The following MARCHF1 variants were observed in gnomAD, a reference collection of about 807,000 sequenced individuals.
MARCHF1 encodes the protein membrane associated ring-CH-type finger 1, also known as E3 ubiquitin-protein ligase MARCHF1.
In MARCHF1, 40 loss-of-function variants were observed where a neutral mutation model predicts 54.2. The ratio of observed to expected loss-of-function variants is 0.74; its 90% CI spans 0.57 to 0.96. The LOEUF (loss-of-function observed/expected upper bound fraction) is 0.96. Among genes scored for constraint, MARCHF1 ranks in the 40% least tolerant of loss-of-function variants. The probability of loss-of-function intolerance (pLI) is 0.00; values close to 1 mark genes in which losing one functional copy is unlikely to be tolerated. For missense variants in MARCHF1, 586 were observed against 656.5 expected, an observed-to-expected ratio of 0.89 and a Z score of 1.17; for synonymous variants, 236 against 236.3, an observed-to-expected ratio of 1.00 and a Z score of 0.01.
intron 5 of MARCHF1, among the ~76,000 whole-genome samples, chr4:163,666,776 A>C (rs975434280): frequency 1.4e-4 from 21 of 151,806 alleles, no homozygotes; most frequent in African/African-American, 4.8e-4. Flanking sequence ...TTCTAACCAC[A>C]GTTATATGTT....
chr4:163,926,600 A>G (rs991015757), intron 3 of MARCHF1, among the ~76,000 whole-genome samples: 2 of 151,620 alleles, frequency 1.3e-5, no homozygotes, highest in Non-Finnish European at 3.0e-5. Flanking sequence ...CCAACATACC[A>G]TATGAGAATT....
At chr4:163,923,825 T>C (rs1343021884) in intron 3 of MARCHF1, among the ~76,000 whole-genome samples, 1 of 151,516 alleles carries the variant, frequency 6.6e-6, no homozygotes, top group Non-Finnish European at 1.5e-5. Context: ...CATCTTACAA[T>C]GCAGACATAA....
chr4:164,156,808 ATGTATC>A (rs1260443648), intron 1 of MARCHF1, among the ~76,000 whole-genome samples: 2 of 152,148 alleles, frequency 1.3e-5, no homozygotes, highest in African/African-American at 4.8e-5. Flanking sequence ...GACTATGCCC[ATGTATC>A]TGTTTATAGG....
At chr4:163,849,495 C>A (rs1204124312) in intron 4 of MARCHF1, among the ~76,000 whole-genome samples, 3 of 152,132 alleles carry the variant, frequency 2.0e-5, no homozygotes, top group African/African-American at 7.2e-5. Context: ...GGCTACTTAC[C>A]AAAGAAGGAA....
intron 1 of MARCHF1, among the ~76,000 whole-genome samples, chr4:164,241,768 G>T (rs915756707): frequency 6.6e-6 from 1 of 151,806 alleles, no homozygotes; most frequent in Non-Finnish European, 1.5e-5. Flanking sequence ...CAGTGGGTGC[G>T]CGCACAGTGC....
chr4:163,815,020 T>C (rs1748495802), intron 4 of MARCHF1, among the ~76,000 whole-genome samples: 1 of 152,176 alleles, frequency 6.6e-6, no homozygotes, highest in African/African-American at 2.4e-5. Flanking sequence ...TCAGACATAT[T>C]CATGAGTAAA....
intron 3 of MARCHF1, among the ~76,000 whole-genome samples, chr4:163,973,763 C>A (rs1752597427): frequency 6.6e-6 from 1 of 152,180 alleles, no homozygotes; most frequent in Admixed American, 6.5e-5. Context: ...TTATGCTGCA[C>A]TAAGAAAAAG....
intron 3 of MARCHF1, among the ~76,000 whole-genome samples, chr4:163,929,387 G>A (rs1051861971): frequency 6.6e-6 from 1 of 151,836 alleles, no homozygotes; most frequent in Admixed American, 6.6e-5. Context: ...ATCAATGAAG[G>A]TTAGCTACTA....
In MARCHF1 at chr4:163,528,876, G is replaced by GT. The variant is rs1343553266; in HGVS notation, c.1509dup (p.Leu504ThrfsTer8). On this transcript the variant is annotated frameshift_variant, in exon 10 of 10. Transcript: ENST00000514618. LOFTEE classifies it high-confidence loss of function. ...ACATTACATGAGAAGTTCTTCTCCA[G>GT]TTTTTTGGCAGTGTCTGGGCAATTT... 4 of 1,613,354 alleles carry GT rather than the reference G, an allele frequency of 2.5e-6. No individual in the cohort carries two copies. The highest frequency in any genetic ancestry group is 1.7e-4 in the Middle Eastern group (1 of 6,060).
At chr4:163,539,466 T>C (rs2110895233) in intron 9 of MARCHF1, among the ~76,000 whole-genome samples, 1 of 152,374 alleles carries the variant, frequency 6.6e-6, no homozygotes, top group South Asian at 2.1e-4. Flanking sequence ...TAAGTTTTCA[T>C]TATTGTTATT....
chr4:163,607,575 G>A (rs2110910941), intron 7 of MARCHF1, among the ~76,000 whole-genome samples: 2 of 152,186 alleles, frequency 1.3e-5, no homozygotes, highest in Admixed American at 1.3e-4. Flanking sequence ...CACAACCCAT[G>A]CTATATTGGT....
chr4:164,109,936 A>AAAAAAAAATT (rs1755798965), intron 2 of MARCHF1, among the ~76,000 whole-genome samples: 1 of 149,482 alleles, frequency 6.7e-6, no homozygotes, highest in Non-Finnish European at 1.5e-5. Flanking sequence ...AAAAAAAAAA[A>AAAAAAAAATT]GAAAATGTAA....
At chr4:163,594,759 A>ACACACAC (rs1560962635) in intron 7 of MARCHF1, among the ~76,000 whole-genome samples, 12 of 65,610 alleles carry the variant, frequency 1.8e-4, no homozygotes, top group African/African-American at 4.5e-4. Flanking sequence ...TCAAAACACA[A>ACACACAC]ACACACACAC....
intron 4 of MARCHF1, among the ~76,000 whole-genome samples, chr4:163,753,141 G>T (rs942540888): frequency 4.6e-5 from 7 of 152,000 alleles, no homozygotes; most frequent in African/African-American, 1.4e-4. Context: ...TGAACTAGAT[G>T]ATCCCTTAGG....
intron 1 of MARCHF1, among the ~76,000 whole-genome samples, chr4:164,342,713 C>A (rs2110850328): frequency 6.6e-6 from 1 of 151,972 alleles, no homozygotes; most frequent in African/African-American, 2.4e-5. Context: ...GGGAAAAAAA[C>A]AAAGTGTCTA....
chr4:164,239,457 T>C (rs1397397739), intron 1 of MARCHF1, among the ~76,000 whole-genome samples: 3 of 152,164 alleles, frequency 2.0e-5, no homozygotes, highest in Non-Finnish European at 4.4e-5. Context: ...TGATAACTTT[T>C]TTAAAACTTT....
At chr4:163,638,230 C>G (rs1246615449) in intron 5 of MARCHF1, among the ~76,000 whole-genome samples, 2 of 140,662 alleles carry the variant, frequency 1.4e-5, no homozygotes, top group Non-Finnish European at 3.0e-5. Flanking sequence ...TACCCTAAAA[C>G]TTAAAGTATA....
At chr4:164,093,450 G>A (rs1755346098) in intron 2 of MARCHF1, among the ~76,000 whole-genome samples, 1 of 152,138 alleles carries the variant, frequency 6.6e-6, no homozygotes, top group African/African-American at 2.4e-5. Context: ...TAGACACTGA[G>A]AAATGAAAAG....
At chr4:163,639,033 C>G (rs1742456473) in intron 5 of MARCHF1, among the ~76,000 whole-genome samples, 1 of 152,128 alleles carries the variant, frequency 6.6e-6, no homozygotes, top group Middle Eastern at 3.4e-3. Context: ...GACTGGAGGG[C>G]AGTGGGGGAT....
Sources: gnomAD v4.1 joint callset for allele counts (sites outside exome capture counted in the v4.1 genomes callset) on GRCh38, gnomAD v4.1.1 for gene constraint, MANE v1.5 for transcripts, NCBI Gene and HGNC (gene_info 2026-07-23, HGNC 2026-07-21) for gene names.